ZNF584: variants seen among roughly 807,000 people sequenced by gnomAD.
The protein encoded by ZNF584 is zinc finger protein 584.
In ZNF584, 12 loss-of-function variants were observed where a neutral mutation model predicts 14.7. That is an observed-to-expected ratio of 0.82 (90% CI 0.52 to 1.32). ZNF584 has a LOEUF of 1.32. Among genes scored for constraint, ZNF584 ranks in the 40% most tolerant of loss-of-function variants. The pLI, the probability that ZNF584 is intolerant of heterozygous loss-of-function variation, is 0.00. For missense variants in ZNF584, 478 were observed against 518.8 expected, an observed-to-expected ratio of 0.92 and a Z score of 0.76; for synonymous variants, 204 against 190.9, an observed-to-expected ratio of 1.07 and a Z score of -0.57.
chr19:58,416,454 AG>A (rs1159654652), intron 3 of ZNF584: 7 of 169,282 alleles, frequency 4.1e-5, no homozygotes, highest in Middle Eastern at 2.8e-3. Flanking sequence ...CCCAGGCTGG[AG>A]TGCAGTGGCG....
chr19:58,414,799 G>A (rs1312444923), intron 2 of ZNF584, among the ~76,000 whole-genome samples: 2 of 152,010 alleles, frequency 1.3e-5, no homozygotes, highest in African/African-American at 4.8e-5. Context: ...TGTTATTGAT[G>A]GTGGGAAATT....
chr19:58,413,180 T>C (rs1407545000), intron 2 of ZNF584, among the ~76,000 whole-genome samples: 4 of 152,094 alleles, frequency 2.6e-5, no homozygotes, highest in Non-Finnish European at 5.9e-5. Context: ...TTTGCTATCT[T>C]TGGGTTTGTT....
At chr19:58,406,962 C>G (rs2052478356), upstream of ZNF584, 3 of 152,452 alleles carry the variant, frequency 2.0e-5, no homozygotes, top group Admixed American at 2.0e-4. Context: ...CAGCTGAGGA[C>G]ATGTTAAGGA....
Position 58,416,941 on chromosome 19 carries a change from A to C in ZNF584, c.423A>C (p.Pro141=). 4 of 1,613,140 alleles carry C rather than the reference A, an allele frequency of 2.5e-6. No individual in the cohort carries two copies. Among genetic ancestry groups the C allele is most frequent in the Non-Finnish European group, 3.4e-6 (4 of 1,179,432 alleles). ...ACACTGAGCATGGGGCAGCTTTCCC[A>C]CCTGGTTCCAGTTGTGGGCAACAGC... The part of the protein sequence containing the change: ...RRHTEHGAAF[P]PGSSCGQQQE... Residue 141 remains proline, a synonymous_variant, in exon 4 of 4, where the codon CCA becomes CCC. Coordinates refer to ENST00000306910, the MANE Select transcript of ZNF584 (RefSeq NM_173548.3).
chr19:58,417,427 T>C lies in ZNF584; in HGVS notation c.909T>C (p.Cys303=), dbSNP rs1336009529. ...IGERPYECTE[C]GKFFKYNNSF... ...AAAGGCCCTATGAGTGTACAGAATG[T>C]GGGAAGTTCTTTAAATACAATAATA... The change falls in exon 4 of 4, where the codon TGT becomes TGC. Residue 303 remains cysteine, a synonymous_variant. Transcript: ENST00000306910. 3.7e-6 allele frequency: 6 copies of C among 1,603,406 alleles called. No individual in the cohort carries two copies. Among genetic ancestry groups the C allele is most frequent in the African/African-American group, 1.3e-5 (1 of 74,476 alleles).
At chr19:58,411,790 T>C (rs2052575718) in intron 2 of ZNF584, among the ~76,000 whole-genome samples, 1 of 149,070 alleles carries the variant, frequency 6.7e-6, no homozygotes, top group Admixed American at 6.7e-5. Context: ...ACTATAGGCG[T>C]GCACCACCAC....
chr19:58,407,486 C>T (rs553479953), upstream of ZNF584, among the ~76,000 whole-genome samples: 2 of 152,334 alleles, frequency 1.3e-5, no homozygotes, highest in South Asian at 4.1e-4. Context: ...TGGCCACTCA[C>T]GGCCCTTGGG....
chr19:58,403,964 A>C (rs1036250204), upstream of ZNF584, among the ~76,000 whole-genome samples: 4 of 151,674 alleles, frequency 2.6e-5, no homozygotes, highest in African/African-American at 9.7e-5. Flanking sequence ...GTCTCAAAAA[A>C]AAAAAAAAAA....
At position 58,408,698 on chromosome 19, in the gene ZNF584, C is replaced by A. The variant is rs1157565270; in HGVS notation, c.-450C>A. ...CGCGAGGAGAGCCGGGAATGGAGGT[C>A]GTGGCGTGAGGGGCGCCGAGCGAGG... is the stretch of plus-strand genomic sequence containing the variant. On this transcript the variant is annotated 5_prime_UTR_variant, in exon 1 of 4. Coordinates refer to ENST00000306910, the MANE Select transcript of ZNF584 (RefSeq NM_173548.3). 2 of 162,812 alleles carry A rather than the reference C, an allele frequency of 1.2e-5. No homozygotes were observed. The highest frequency in any genetic ancestry group is 2.7e-5 in the Non-Finnish European group (2 of 74,764). 10.1% of individuals were successfully genotyped at this position (162,812 alleles called of 1,614,324 possible).
rs563616582 is a variant in ZNF584 at position 58,409,745 on chromosome 19, C to T, written c.19-196C>T. Among the ~76,000 whole-genome samples the T allele has an allele frequency of 2.2e-4, 33 of 152,168 alleles. No individual in the cohort carries two copies. In the East Asian group the frequency reaches 5.6e-3, roughly 26 times the overall value. ...AGAAGCATCAATAACACCAGCAGCT[C>T]TGATATTCCTCTGGGATAGGAGAAG... On this transcript the variant is annotated intron_variant, in intron 1 of 3. Coordinates refer to ENST00000306910, the MANE Select transcript of ZNF584 (RefSeq NM_173548.3).
intron 2 of ZNF584, among the ~76,000 whole-genome samples, chr19:58,410,542 T>TTTTTTTTTTTTTTTTTTTTTTTTGA (rs1568584343): frequency 6.5e-5 from 1 of 15,376 alleles, no homozygotes; most frequent in Admixed American, 6.8e-4. Flanking sequence ...TATATATATA[T>TTTTTTTTTTTTTTTTTTTTTTTTGA]ATATATATAT....
chr19:58,409,528 A>G (rs1241495113), intron 1 of ZNF584, among the ~76,000 whole-genome samples: 1 of 152,222 alleles, frequency 6.6e-6, no homozygotes, highest in Non-Finnish European at 1.5e-5. Context: ...CCCTGGGACC[A>G]GGTACTTGAG....
In ZNF584 at chr19:58,416,907, CAAG is replaced by C. The variant is rs757977827; in HGVS notation, c.393_395del (p.Arg132del). On this transcript the variant is annotated inframe_deletion, in exon 4 of 4. Transcript: ENST00000306910. The stretch of plus-strand genomic sequence containing the variant: ...CAGGACACTCATAGTGAGGGGAAAC[CAAG>C]AAGGCACACTGAGCATGGGGCAGCT... 1 of 1,612,474 alleles carries C rather than the reference CAAG, an allele frequency of 6.2e-7. No homozygotes were observed. Among genetic ancestry groups the C allele is most frequent in the African/African-American group, 1.3e-5 (1 of 75,008 alleles).
chr19:58,414,589 G>A (rs1025233710), intron 2 of ZNF584, among the ~76,000 whole-genome samples: 10 of 151,688 alleles, frequency 6.6e-5, no homozygotes, highest in Admixed American at 3.3e-4. Context: ...TGATCTGCCC[G>A]TCTCGGCCTC....
At chr19:58,416,292 A>G (rs991179648) in intron 3 of ZNF584, 2 of 196,622 alleles carry the variant, frequency 1.0e-5, no homozygotes, top group African/African-American at 4.6e-5. Context: ...GCTGGAGTGC[A>G]GTGGCGCAAT....
At chr19:58,402,481 AT>A (rs1002748233) in intron 1 of ZNF584, among the ~76,000 whole-genome samples, 5 of 152,338 alleles carry the variant, frequency 3.3e-5, no homozygotes, top group Middle Eastern at 3.4e-3. Flanking sequence ...AACATAACAG[AT>A]TTTTTTAAAA....
chr19:58,402,272 TG>T (rs11328069), intron 1 of ZNF584, among the ~76,000 whole-genome samples: 72,733 of 151,708 alleles, frequency 0.48, 17,683 homozygotes, highest in African/African-American at 0.53. Flanking sequence ...CGCCCTAGGT[TG>T]GGGTTTCCTC....
At chr19:58,410,681 ATATG>A (rs1265742440) in intron 2 of ZNF584, among the ~76,000 whole-genome samples, 2 of 51,858 alleles carry the variant, frequency 3.9e-5, no homozygotes, top group Non-Finnish European at 6.7e-5. Flanking sequence ...ATGTGTATAT[ATATG>A]TATATATGTA....
chr19:58,416,026 C>T, intron 3 of ZNF584: 2 of 1,495,164 alleles, frequency 1.3e-6, no homozygotes, highest in South Asian at 2.5e-5. Flanking sequence ...TAGACACATG[C>T]CTCCTCATAG....
Sources: allele counts gnomAD v4.1 joint callset (sites outside exome capture counted in the v4.1 genomes callset), GRCh38; gene constraint gnomAD v4.1.1; transcripts MANE v1.5; gene names NCBI Gene and HGNC (gene_info 2026-07-23, HGNC 2026-07-21).